SSBP2: variants seen among roughly 807,000 people sequenced by gnomAD.
The protein encoded by SSBP2 is single stranded DNA binding protein 2.
SSBP2 carries 17 observed loss-of-function variants against 61.8 expected under a neutral mutation model. That is an observed-to-expected ratio of 0.28 (90% CI 0.19 to 0.41). The LOEUF (loss-of-function observed/expected upper bound fraction) is 0.41, where lower values mean the gene tolerates loss of function less well. Ranked by LOEUF, SSBP2 falls within the 10% of genes least tolerant of loss-of-function variation. The pLI, the probability that SSBP2 is intolerant of heterozygous loss-of-function variation, is 1.00. For missense variants in SSBP2, 310 were observed against 458.7 expected, an observed-to-expected ratio of 0.68 and a Z score of 2.96; for synonymous variants, 139 against 141.3, an observed-to-expected ratio of 0.98 and a Z score of 0.12.
intron 4 of SSBP2, among the ~76,000 whole-genome samples, chr5:81,592,886 G>A (rs1743224462): frequency 6.6e-6 from 1 of 152,050 alleles, no homozygotes; most frequent in African/African-American, 2.4e-5. Flanking sequence ...CCACAAAGAT[G>A]GGGAAAAAAC....
At chr5:81,559,061 C>G (rs1772824115) in intron 4 of SSBP2, among the ~76,000 whole-genome samples, 1 of 152,192 alleles carries the variant, frequency 6.6e-6, no homozygotes, top group African/African-American at 2.4e-5. Flanking sequence ...CGAGGCCAGT[C>G]TGGCCAACAT....
Position 81,658,449 on chromosome 5 carries a change from T to C in SSBP2, c.63-8110A>G, listed in dbSNP as rs566263393. Among the ~76,000 whole-genome samples, 113 of 152,306 alleles carry C rather than the reference T, an allele frequency of 7.4e-4. 1 individual carries two copies. Among genetic ancestry groups the C allele is most frequent in the African/African-American group, 2.7e-3 (111 of 41,590 alleles). ...GTCCCTTATACAAAATGGCATAGTA[T>C]CTACACATAACCTGCACACATTCTT... On this transcript the variant is annotated intron_variant, in intron 1 of 16. Coordinates refer to ENST00000320672, the MANE Select transcript of SSBP2 (RefSeq NM_012446.5).
chr5:81,518,527 C>A (rs1322050317), intron 4 of SSBP2, among the ~76,000 whole-genome samples: 1 of 152,050 alleles, frequency 6.6e-6, no homozygotes, highest in African/African-American at 2.4e-5. Context: ...ATGCTGGTGC[C>A]TTAATCTTGG....
chr5:81,671,636 TA>T (rs1347230894), intron 1 of SSBP2, among the ~76,000 whole-genome samples: 1 of 152,132 alleles, frequency 6.6e-6, no homozygotes, highest in Non-Finnish European at 1.5e-5. Flanking sequence ...AACAGTTTAG[TA>T]AGCTTCTATT....
At chr5:81,546,210 G>C (rs911350975) in intron 4 of SSBP2, among the ~76,000 whole-genome samples, 1 of 152,140 alleles carries the variant, frequency 6.6e-6, no homozygotes, top group Non-Finnish European at 1.5e-5. Flanking sequence ...AAATAAGGAA[G>C]CTATGCCACA....
At chr5:81,429,069 T>A (rs1183064683) in intron 15 of SSBP2, among the ~76,000 whole-genome samples, 1 of 152,200 alleles carries the variant, frequency 6.6e-6, no homozygotes, top group Admixed American at 6.5e-5. Flanking sequence ...ACTCCCTTAG[T>A]CATTTCACTA....
chr5:81,669,854 T>A (rs183948212), intron 1 of SSBP2, among the ~76,000 whole-genome samples: 307 of 151,518 alleles, frequency 2.0e-3, no homozygotes, highest in Non-Finnish European at 3.5e-3. Flanking sequence ...GCTATCAAGG[T>A]ATGAAAAGAC....
chr5:81,631,775 T>A (rs1418015483), intron 3 of SSBP2, among the ~76,000 whole-genome samples: 1 of 152,160 alleles, frequency 6.6e-6, no homozygotes, highest in East Asian at 1.9e-4. Context: ...CATCCTATTT[T>A]GCAGAGGAAA....
chr5:81,501,877 C>G (rs954600017), intron 5 of SSBP2, among the ~76,000 whole-genome samples: 1 of 151,850 alleles, frequency 6.6e-6, no homozygotes, highest in African/African-American at 2.4e-5. Context: ...GGTGTTGTTT[C>G]TTGTACTGAA....
At chr5:81,670,166 G>A (rs1298811518) in intron 1 of SSBP2, among the ~76,000 whole-genome samples, 1 of 152,252 alleles carries the variant, frequency 6.6e-6, no homozygotes, top group African/African-American at 2.4e-5. Flanking sequence ...TATGGACTTC[G>A]AGTAATAATG....
intron 4 of SSBP2, among the ~76,000 whole-genome samples, chr5:81,595,260 C>G (rs1334506215): frequency 7.2e-5 from 11 of 152,110 alleles, no homozygotes; most frequent in East Asian, 3.9e-4. Flanking sequence ...ATAAATTCCT[C>G]GACACATACA....
chr5:81,670,822 C>T (rs1751530900), intron 1 of SSBP2, among the ~76,000 whole-genome samples: 1 of 152,024 alleles, frequency 6.6e-6, no homozygotes, highest in Non-Finnish European at 1.5e-5. Context: ...TCCCCTATTC[C>T]TTCCTTAATT....
Position 81,565,685 on chromosome 5 carries a change from C to T in SSBP2, c.282+49788G>A, listed in dbSNP as rs11952916. Among the ~76,000 whole-genome samples, 743 of 152,148 alleles carry T rather than the reference C, an allele frequency of 4.9e-3. 7 individuals are homozygous for T. The highest frequency in any genetic ancestry group is 0.015 in the African/African-American group (628 of 41,542). On this transcript the variant is annotated intron_variant, in intron 4 of 16. Coordinates refer to ENST00000320672, the MANE Select transcript of SSBP2 (RefSeq NM_012446.5). Reference sequence around the variant, plus strand: ...ATAAACTCATCAAGAAAGAACCAACCGTATCTTTTATTTTTGGAGTTCTCA... The same window carrying T: ...ATAAACTCATCAAGAAAGAACCAACTGTATCTTTTATTTTTGGAGTTCTCA...
intron 9 of SSBP2, among the ~76,000 whole-genome samples, chr5:81,465,976 A>G (rs147185823): frequency 1.6e-3 from 237 of 152,104 alleles, no homozygotes; most frequent in African/African-American, 5.5e-3. Context: ...TTCCATGAAA[A>G]TGGCTTCAGA....
At chr5:81,693,709 A>G (rs956793209) in intron 1 of SSBP2, among the ~76,000 whole-genome samples, 2 of 152,234 alleles carry the variant, frequency 1.3e-5, no homozygotes, top group African/African-American at 4.8e-5. Context: ...GAGAAAAGGG[A>G]ACCCTCGTAC....
chr5:81,536,469 C>T lies in SSBP2; in HGVS notation c.283-22752G>A, dbSNP rs1322018752. On this transcript the variant is annotated intron_variant, in intron 4 of 16. Transcript: ENST00000320672. ...ATTTTTCCTGATCCCCTTTCTCCTC[C>T]CAACCTCCACCCACCTGATAGGCCC... Among the ~76,000 whole-genome samples the T allele has an allele frequency of 2.6e-5, 4 of 151,992 alleles. No homozygotes were observed. The East Asian group carries it at 7.7e-4, about 29-fold the overall frequency.
At position 81,513,702 on chromosome 5, in the gene SSBP2, G is replaced by C; in HGVS notation, c.298C>G (p.Pro100Ala). The change falls in exon 5 of 17, where the codon CCC becomes GCC. Residue 100 changes from proline (P) to alanine (A), a missense_variant. Around this residue, in one of 4 missense-constraint regions of SSBP2, gnomAD observed 209 missense variants for 286.4 expected, o/e 0.73. Transcript: ENST00000320672. ...GGAATGTTTCCTAGCACTGGACTGGGAGCTGCTGCAGCACTCTGCAAAGAA... is the reference window on the plus strand; with the variant it reads ...GGAATGTTTCCTAGCACTGGACTGGCAGCTGCTGCAGCACTCTGCAAAGAA... 6.2e-7 allele frequency: 1 copy of C among 1,612,292 alleles called. No individual in the cohort carries two copies. Among genetic ancestry groups the C allele is most frequent in the Non-Finnish European group, 8.5e-7 (1 of 1,178,628 alleles).
intron 15 of SSBP2, among the ~76,000 whole-genome samples, chr5:81,436,654 CTATT>C (rs1225189992): frequency 6.6e-6 from 1 of 152,022 alleles, no homozygotes. Flanking sequence ...ATGAATTTCT[CTATT>C]TATTGATATA....
At chr5:81,507,366 T>A (rs1768257190) in intron 5 of SSBP2, among the ~76,000 whole-genome samples, 1 of 152,136 alleles carries the variant, frequency 6.6e-6, no homozygotes, top group African/African-American at 2.4e-5. Context: ...AAGTCTTAAA[T>A]TTACAACCCA....
Sources: gnomAD v4.1 joint callset for allele counts (sites outside exome capture counted in the v4.1 genomes callset) on GRCh38, gnomAD v4.1.1 for gene constraint, gnomAD v4.1.1 regional missense constraint, MANE v1.5 for transcripts, NCBI Gene and HGNC (gene_info 2026-07-23, HGNC 2026-07-21) for gene names.